Variants in HEMK2 observed in about 807,000 individuals in gnomAD.
HEMK2 encodes methyltransferase HEMK2.
chr21:28,766,207 G>A, the HEMK2 span, among the ~76,000 whole-genome samples: 3 of 152,018 alleles, frequency 2.0e-5, no homozygotes, highest in Non-Finnish European at 4.4e-5. Flanking sequence ...TAATGTAAAT[G>A]ATGAGTTGAT....
chr21:28,856,369 C>T, the HEMK2 span, among the ~76,000 whole-genome samples: 2 of 151,162 alleles, frequency 1.3e-5, no homozygotes, highest in East Asian at 2.0e-4. Flanking sequence ...GAGCTGAGAT[C>T]GTGCCACTGC....
chr21:28,850,127 AC>A, the HEMK2 span, among the ~76,000 whole-genome samples: 2 of 152,074 alleles, frequency 1.3e-5, no homozygotes, highest in East Asian at 3.9e-4. Flanking sequence ...GGGGCAGGTC[AC>A]CTACAAAGGA....
At chr21:28,859,138 G>T in the HEMK2 span, among the ~76,000 whole-genome samples, 1 of 152,068 alleles carries the variant, frequency 6.6e-6, no homozygotes, top group African/African-American at 2.4e-5. Context: ...CATTATTAAA[G>T]TTCCAGGATT....
the HEMK2 span, among the ~76,000 whole-genome samples, chr21:28,641,791 C>T: frequency 2.6e-5 from 4 of 152,324 alleles, no homozygotes; most frequent in African/African-American, 9.6e-5. Context: ...CTCTCTCTCT[C>T]AGCTAGAACT....
the HEMK2 span, among the ~76,000 whole-genome samples, chr21:28,807,841 A>G: frequency 6.6e-6 from 1 of 152,218 alleles, no homozygotes; most frequent in Non-Finnish European, 1.5e-5. Context: ...GTGAAAATTC[A>G]GGAAAACTAA....
At chr21:28,634,945 CAT>C in the HEMK2 span, among the ~76,000 whole-genome samples, 2 of 152,060 alleles carry the variant, frequency 1.3e-5, no homozygotes, top group Non-Finnish European at 2.9e-5. Context: ...CCAGGAAAGA[CAT>C]GTGTTACATT....
chr21:28,776,312 A>G, the HEMK2 span, among the ~76,000 whole-genome samples: 1 of 152,220 alleles, frequency 6.6e-6, no homozygotes, highest in Non-Finnish European at 1.5e-5. Context: ...TTTAACATTA[A>G]GAGTGGATGC....
the HEMK2 span, among the ~76,000 whole-genome samples, chr21:28,798,171 T>C: frequency 1.2e-4 from 19 of 152,178 alleles, no homozygotes; most frequent in Non-Finnish European, 4.4e-5. Context: ...ACACGGAGTA[T>C]AGACAGGTTC....
the HEMK2 span, among the ~76,000 whole-genome samples, chr21:28,591,114 C>T: frequency 6.6e-6 from 1 of 152,172 alleles, no homozygotes; most frequent in South Asian, 2.1e-4. Flanking sequence ...GATCCTCCAG[C>T]TGAAATTCCC....
At chr21:28,609,794 G>C in the HEMK2 span, among the ~76,000 whole-genome samples, 5 of 152,068 alleles carry the variant, frequency 3.3e-5, no homozygotes, top group African/African-American at 7.2e-5. Flanking sequence ...CAATAGAATA[G>C]AACAAGGAGA....
the HEMK2 span, among the ~76,000 whole-genome samples, chr21:28,593,848 C>A: frequency 2.0e-5 from 3 of 152,216 alleles, no homozygotes; most frequent in East Asian, 3.9e-4. Flanking sequence ...CAGAAGAATT[C>A]CAAATATTTT....
the HEMK2 span, among the ~76,000 whole-genome samples, chr21:28,693,738 C>G: frequency 1.3e-5 from 2 of 152,232 alleles, no homozygotes; most frequent in East Asian, 3.9e-4. Flanking sequence ...GCTGGTTTAC[C>G]TAACTAACTT....
the HEMK2 span, among the ~76,000 whole-genome samples, chr21:28,860,547 C>A: frequency 6.6e-6 from 1 of 151,384 alleles, no homozygotes; most frequent in South Asian, 2.1e-4. Flanking sequence ...GTTCACTGAA[C>A]AAAGAAATTT....
At chr21:28,836,114 G>A in the HEMK2 span, among the ~76,000 whole-genome samples, 1 of 152,266 alleles carries the variant, frequency 6.6e-6, no homozygotes, top group South Asian at 2.1e-4. Flanking sequence ...ACATAGACAT[G>A]TAAATACAAG....
the HEMK2 span, among the ~76,000 whole-genome samples, chr21:28,846,920 A>G: frequency 2.6e-5 from 4 of 152,102 alleles, no homozygotes; most frequent in Non-Finnish European, 2.9e-5. Context: ...GTTCGCTTAG[A>G]ATAATGGCCT....
At chr21:28,779,832 C>T in the HEMK2 span, among the ~76,000 whole-genome samples, 1 of 152,148 alleles carries the variant, frequency 6.6e-6, no homozygotes, top group South Asian at 2.1e-4. Context: ...TAGCTCCTGG[C>T]CTCCTCTTTC....
At chr21:28,799,331 T>A in the HEMK2 span, among the ~76,000 whole-genome samples, 1 of 152,158 alleles carries the variant, frequency 6.6e-6, no homozygotes, top group Non-Finnish European at 1.5e-5. Context: ...TCAGATCTCA[T>A]GAGACTTATT....
the HEMK2 span, among the ~76,000 whole-genome samples, chr21:28,877,063 GGA>G: frequency 3.1e-5 from 1 of 32,592 alleles, no homozygotes; most frequent in African/African-American, 1.5e-4. Context: ...AGGGAGGGAA[GGA>G]GGGAGGGAAG....
chr21:28,670,973 T>C, the HEMK2 span: 1 of 152,204 alleles, frequency 6.6e-6, no homozygotes, highest in Admixed American at 6.5e-5. Context: ...TGAGATGAGA[T>C]TTGGTTGGGG....
Sources: gnomAD v4.1 joint callset for allele counts (sites outside exome capture counted in the v4.1 genomes callset) on GRCh38, gnomAD v4.1.1 for gene constraint, MANE v1.5 for transcripts, NCBI Gene and HGNC (gene_info 2026-07-23, HGNC 2026-07-21) for gene names.